Variants in SUGCT observed in about 807,000 individuals in gnomAD.
SUGCT encodes the protein succinyl-CoA:glutarate-CoA transferase.
Under a neutral mutation model 55.0 loss-of-function variants are expected in SUGCT, and 41 were observed. The ratio of observed to expected loss-of-function variants is 0.74; its 90% confidence interval spans 0.58 to 0.97. The LOEUF (loss-of-function observed/expected upper bound fraction) is 0.97, where lower values mean the gene tolerates loss of function less well. Among genes scored for constraint, SUGCT ranks in the 50% least tolerant of loss-of-function variants. The pLI, the probability that SUGCT is intolerant of heterozygous loss-of-function variation, is 0.00. For synonymous variants in SUGCT, 187 were observed against 200.4 expected, an observed-to-expected ratio of 0.93 and a Z score of 0.56; for missense variants, 568 against 547.8, an observed-to-expected ratio of 1.04 and a Z score of -0.37.
intron 9 of SUGCT, among the ~76,000 whole-genome samples, chr7:40,398,889 A>C (rs956136405): frequency 7.9e-5 from 12 of 152,196 alleles, no homozygotes; most frequent in Admixed American, 6.5e-4. Flanking sequence ...TTGAGCCTTC[A>C]TGCTTGAAAA....
At chr7:40,205,640 CAAAAAAAAAA>C (rs67396482) in intron 6 of SUGCT, among the ~76,000 whole-genome samples, 4 of 77,466 alleles carry the variant, frequency 5.2e-5, no homozygotes, top group African/African-American at 9.6e-5. Flanking sequence ...AACTTCATCT[CAAAAAAAAAA>C]AAAAAAAAAA....
At chr7:40,832,878 G>A (rs559435889) in intron 13 of SUGCT, among the ~76,000 whole-genome samples, 2 of 152,148 alleles carry the variant, frequency 1.3e-5, no homozygotes, top group African/African-American at 4.8e-5. Context: ...GTGTCACCAT[G>A]TTAACCAGGA....
intron 12 of SUGCT, among the ~76,000 whole-genome samples, chr7:40,659,229 G>C (rs1300079768): frequency 6.6e-6 from 1 of 152,162 alleles, no homozygotes; most frequent in Admixed American, 6.5e-5. Context: ...CTAAAGAAAT[G>C]GCTGGGCAGT....
chr7:40,187,859 C>T (rs888455132), intron 3 of SUGCT, among the ~76,000 whole-genome samples: 11 of 152,032 alleles, frequency 7.2e-5, no homozygotes, highest in Non-Finnish European at 1.0e-4. Flanking sequence ...ATTGGTTTAT[C>T]TCCAGTTAGA....
chr7:40,765,777 T>TTTG (rs1788755376), intron 13 of SUGCT, among the ~76,000 whole-genome samples: 1 of 152,158 alleles, frequency 6.6e-6, no homozygotes, highest in African/African-American at 2.4e-5. Context: ...GATACTCATA[T>TTTG]TTGAGCAGTT....
At chr7:40,379,774 G>C (rs1784780863) in intron 9 of SUGCT, among the ~76,000 whole-genome samples, 1 of 152,176 alleles carries the variant, frequency 6.6e-6, no homozygotes, top group African/African-American at 2.4e-5. Flanking sequence ...CTCAAGGTTA[G>C]TAAGAAGTGA....
At chr7:40,849,038 A>G (rs1407301682) in intron 13 of SUGCT, among the ~76,000 whole-genome samples, 1 of 152,130 alleles carries the variant, frequency 6.6e-6, no homozygotes, top group Admixed American at 6.5e-5. Flanking sequence ...TTTTCAGCAA[A>G]ATGAAGTTTG....
downstream of SUGCT, among the ~76,000 whole-genome samples, chr7:40,862,788 A>G (rs919365341): frequency 1.3e-5 from 2 of 151,624 alleles, no homozygotes; most frequent in Non-Finnish European, 2.9e-5. Flanking sequence ...TGACTAATCA[A>G]GCATGATATT....
chr7:40,485,065 A>G (rs1040625561), intron 11 of SUGCT, among the ~76,000 whole-genome samples: 1 of 152,132 alleles, frequency 6.6e-6, no homozygotes, highest in Non-Finnish European at 1.5e-5. Context: ...AGTAATGTGT[A>G]CTAGTAGCTT....
intron 10 of SUGCT, among the ~76,000 whole-genome samples, chr7:40,454,827 T>TA (rs1461734937): frequency 3.3e-5 from 5 of 152,208 alleles, no homozygotes; most frequent in African/African-American, 1.2e-4. Flanking sequence ...AGGGAATTTG[T>TA]AGCCAGCTGA....
chr7:40,824,883 C>T (rs548312273), intron 13 of SUGCT, among the ~76,000 whole-genome samples: 1 of 152,326 alleles, frequency 6.6e-6, no homozygotes, highest in South Asian at 2.1e-4. Context: ...CCCCACCTCC[C>T]AATACCATCA....
At chr7:40,693,885 A>G (rs1339389807) in intron 12 of SUGCT, among the ~76,000 whole-genome samples, 3 of 152,182 alleles carry the variant, frequency 2.0e-5, no homozygotes, top group Non-Finnish European at 4.4e-5. Context: ...ATTTAAAACA[A>G]TTTCATTTCA....
intron 12 of SUGCT, among the ~76,000 whole-genome samples, chr7:40,616,991 A>G (rs1222631526): frequency 6.6e-6 from 1 of 152,236 alleles, no homozygotes; most frequent in Non-Finnish European, 1.5e-5. Flanking sequence ...ATTAAAGGTC[A>G]GGCATAATTA....
chr7:40,481,699 G>A (rs1276832397), intron 11 of SUGCT, among the ~76,000 whole-genome samples: 1 of 152,132 alleles, frequency 6.6e-6, no homozygotes, highest in Admixed American at 6.6e-5. Flanking sequence ...TAATCAGCGA[G>A]ATGCCCCCTT....
intron 12 of SUGCT, among the ~76,000 whole-genome samples, chr7:40,747,941 C>A (rs186845034): frequency 6.6e-6 from 1 of 152,240 alleles, no homozygotes; most frequent in Non-Finnish European, 1.5e-5. Context: ...TGTCTTTTTG[C>A]TTACCCCCAG....
the SUGCT span, among the ~76,000 whole-genome samples, chr7:40,988,209 C>T: frequency 6.8e-6 from 1 of 148,076 alleles, no homozygotes; most frequent in Non-Finnish European, 1.5e-5. Flanking sequence ...AATTTTGCTA[C>T]ATGTTTTCAG....
rs1203055741 is a variant in SUGCT, at chr7:40,525,515, A to G, written c.1089+29129A>G. Among the ~76,000 whole-genome samples the G allele has an allele frequency of 2.0e-5, 3 of 152,140 alleles. No homozygotes were observed. In the East Asian group the frequency reaches 5.8e-4, roughly 29 times the overall value. ...GAAAAGGATTAAGAGATTGTTCAGT[A>G]ATCTAGGATGAGAGGGTGAGGGCCT... On this transcript the variant is annotated intron_variant, in intron 12 of 13. Coordinates refer to ENST00000335693, the MANE Select transcript of SUGCT (RefSeq NM_001193313.2).
intron 7 of SUGCT, among the ~76,000 whole-genome samples, chr7:40,267,079 T>C (rs1476752432): frequency 1.3e-5 from 2 of 148,274 alleles, no homozygotes; most frequent in African/African-American, 2.5e-5. Context: ...ACACTGGGAA[T>C]GGTGAAAATA....
chr7:40,256,798 C>T lies in SUGCT; in HGVS notation c.577-17715C>T, dbSNP rs113014332. On this transcript the variant is annotated intron_variant, in intron 7 of 13. Coordinates refer to ENST00000335693, the MANE Select transcript of SUGCT (RefSeq NM_001193313.2). ...TCACTCTGTCACCCAGGCTGAAGGGCAGTGGTGCCATCTCGGCTCATTGCA... is the reference window on the plus strand; with the variant it reads ...TCACTCTGTCACCCAGGCTGAAGGGTAGTGGTGCCATCTCGGCTCATTGCA... Among the ~76,000 whole-genome samples the T allele has an allele frequency of 6.2e-3, 945 of 152,256 alleles. 7 individuals carry two copies. Among genetic ancestry groups the T allele is most frequent in the African/African-American group, 0.021 (892 of 41,554 alleles).
Sources: gnomAD v4.1 joint callset for allele counts (sites outside exome capture counted in the v4.1 genomes callset) on GRCh38, gnomAD v4.1.1 for gene constraint, MANE v1.5 for transcripts, NCBI Gene and HGNC (gene_info 2026-07-23, HGNC 2026-07-21) for gene names.